SBF2: variants seen among roughly 807,000 people sequenced by gnomAD.
SBF2 encodes the protein SET binding factor 2.
In SBF2, 112 loss-of-function variants were observed where a neutral mutation model predicts 225.2. The ratio of observed to expected loss-of-function variants is 0.50; its 90% confidence interval spans 0.43 to 0.58. The LOEUF is 0.58. Ranked by LOEUF, SBF2 falls within the 20% of genes least tolerant of loss-of-function variation. The probability of loss-of-function intolerance (pLI) is 0.00; values close to 1 mark genes in which losing one functional copy is unlikely to be tolerated. For synonymous variants in SBF2, 763 were observed against 773.3 expected (o/e 0.99, Z 0.22); for missense variants, 1,996 against 2,206.2 (o/e 0.90, Z 1.91).
chr11:10,147,091 G>A (rs1018780754), intron 2 of SBF2, among the ~76,000 whole-genome samples: 2 of 151,420 alleles, frequency 1.3e-5, no homozygotes, highest in African/African-American at 2.4e-5. Flanking sequence ...AGGTTGTGGA[G>A]AAAAGGGAAC....
At chr11:9,936,372 A>T (rs1368668101) in intron 16 of SBF2, among the ~76,000 whole-genome samples, 2 of 152,194 alleles carry the variant, frequency 1.3e-5, no homozygotes, top group Non-Finnish European at 2.9e-5. Context: ...AAATGAGTTC[A>T]ACCATTGTGG....
intron 32 of SBF2, among the ~76,000 whole-genome samples, chr11:9,800,879 C>A (rs1045978867): frequency 6.6e-6 from 1 of 152,036 alleles, no homozygotes; most frequent in Non-Finnish European, 1.5e-5. Context: ...TCTGTAGTGA[C>A]GTCATCTTTC....
chr11:9,914,258 A>G (rs1319726146), intron 16 of SBF2, among the ~76,000 whole-genome samples: 2 of 152,204 alleles, frequency 1.3e-5, no homozygotes, highest in African/African-American at 4.8e-5. Context: ...AAATTCCTAG[A>G]AAGAACCAAA....
chr11:10,169,241 A>C (rs1253727539), intron 2 of SBF2, among the ~76,000 whole-genome samples: 2 of 152,056 alleles, frequency 1.3e-5, no homozygotes, highest in Admixed American at 1.3e-4. Flanking sequence ...GACTGTAGTC[A>C]CCCTGTTGTG....
chr11:10,261,685 A>G (rs1961445412), intron 1 of SBF2, among the ~76,000 whole-genome samples: 1 of 152,266 alleles, frequency 6.6e-6, no homozygotes, highest in Admixed American at 6.5e-5. Context: ...GAATATTCAT[A>G]GCAGTTTATT....
intron 1 of SBF2, among the ~76,000 whole-genome samples, chr11:10,270,481 T>TGTTGA (rs1479003082): frequency 6.6e-6 from 1 of 152,156 alleles, no homozygotes; most frequent in Non-Finnish European, 1.5e-5. Context: ...ATTGTCCTCA[T>TGTTGA]GTTGAGTAGG....
At chr11:10,201,281 G>A (rs1349672639) in intron 1 of SBF2, among the ~76,000 whole-genome samples, 7 of 152,132 alleles carry the variant, frequency 4.6e-5, no homozygotes, top group Non-Finnish European at 1.0e-4. Context: ...TGGAAAATCT[G>A]CTTTTGAGCA....
intron 17 of SBF2, among the ~76,000 whole-genome samples, chr11:9,882,629 A>G (rs1372657220): frequency 6.6e-6 from 1 of 152,002 alleles, no homozygotes; most frequent in Non-Finnish European, 1.5e-5. Context: ...TAACACGGTG[A>G]AACCCCGTCT....
intron 14 of SBF2, among the ~76,000 whole-genome samples, chr11:9,964,105 C>G (rs1866751962): frequency 6.6e-6 from 1 of 152,042 alleles, no homozygotes; most frequent in Non-Finnish European, 1.5e-5. Context: ...CAAAAATTAG[C>G]CGGGCATGGT....
intron 1 of SBF2, among the ~76,000 whole-genome samples, chr11:10,268,641 C>G (rs899792554): frequency 2.6e-5 from 4 of 152,168 alleles, no homozygotes; most frequent in African/African-American, 9.7e-5. Flanking sequence ...TTGTTTACTT[C>G]CCAGTGTGTA....
At chr11:10,196,860 A>ATT (rs1288978130) in intron 1 of SBF2, among the ~76,000 whole-genome samples, 70 of 13,644 alleles carry the variant, frequency 5.1e-3, no homozygotes, top group East Asian at 0.034. Flanking sequence ...ATATATATAT[A>ATT]TATATATTTT....
chr11:10,180,741 T>C (rs775180104), intron 2 of SBF2, among the ~76,000 whole-genome samples: 96 of 152,172 alleles, frequency 6.3e-4, no homozygotes, highest in Non-Finnish European at 1.2e-3. Flanking sequence ...CTAGATCTTG[T>C]AGGTATGCTT....
chr11:10,253,118 C>CAAAAAA (rs546522229), intron 1 of SBF2, among the ~76,000 whole-genome samples: 20 of 77,254 alleles, frequency 2.6e-4, no homozygotes, highest in Non-Finnish European at 4.4e-4. Context: ...AGGTAAATAC[C>CAAAAAA]AAAAAAAAAA....
intron 1 of SBF2, among the ~76,000 whole-genome samples, chr11:10,284,922 T>G (rs183554428): frequency 2.4e-4 from 9 of 37,884 alleles, no homozygotes; most frequent in African/African-American, 6.6e-4. Context: ...CTGACAAGAG[T>G]TTTTTTTTTT....
At chr11:9,842,859 C>T in intron 24 of SBF2, 89 bp from the exon 25 acceptor site, 2 of 1,359,468 alleles carry the variant, frequency 1.5e-6, no homozygotes. Context: ...ATTGTTTCTT[C>T]TCCTTTCCCA....
chr11:9,822,286 A>C (rs1387490095), intron 28 of SBF2, among the ~76,000 whole-genome samples: 3 of 126,870 alleles, frequency 2.4e-5, no homozygotes, highest in African/African-American at 9.1e-5. Context: ...TTTGAGACGG[A>C]GTCTCGCTCT....
intron 13 of SBF2, among the ~76,000 whole-genome samples, chr11:9,977,829 A>G (rs1946770273): frequency 6.6e-6 from 1 of 152,226 alleles, no homozygotes; most frequent in Non-Finnish European, 1.5e-5. Context: ...AAGCTCAGTT[A>G]CAATTCATCC....
At chr11:9,963,693 G>A (rs1257341344) in intron 15 of SBF2, 80 bp downstream of exon 15, 3 of 724,474 alleles carry the variant, frequency 4.1e-6, no homozygotes, top group South Asian at 3.1e-5. Context: ...AATTAAAGAA[G>A]AGAGAAGCTG....
chr11:10,206,682 A>AT (rs1259345823), intron 1 of SBF2, among the ~76,000 whole-genome samples: 1 of 152,154 alleles, frequency 6.6e-6, no homozygotes, highest in Non-Finnish European at 1.5e-5. Flanking sequence ...AAAACTAAAA[A>AT]ATAAAATATC....
Sources: allele counts gnomAD v4.1 joint callset (sites outside exome capture counted in the v4.1 genomes callset), GRCh38; gene constraint gnomAD v4.1.1; transcripts MANE v1.5; gene names NCBI Gene and HGNC (gene_info 2026-07-23, HGNC 2026-07-21).